The following SPG7 variants were observed in gnomAD, a reference collection of about 807,000 sequenced individuals.
SPG7 encodes mitochondrial inner membrane m-AAA protease component paraplegin.
Under a neutral mutation model 81.9 loss-of-function variants are expected in SPG7, and 103 were observed. The observed-to-expected ratio is 1.26, with a 90% CI of 1.07 to 1.48. The LOEUF is 1.48. Ranked by LOEUF, SPG7 falls within the 40% of genes most tolerant of loss-of-function variation. SPG7 has a pLI of 0.00. For synonymous variants in SPG7, 534 were observed against 444.2 expected (o/e 1.20, Z -2.54); for missense variants, 1,241 against 1,087.3 (o/e 1.14, Z -1.99).
chr16:89,528,562 GC>G (rs1567910348), intron 5 of SPG7: 1 of 151,750 alleles, frequency 6.6e-6, no homozygotes, highest in African/African-American at 2.4e-5. Context: ...CAGGCCCAGG[GC>G]AGCCCCTCCT....
Position 89,532,542 on chromosome 16 carries a change from C to T in SPG7, c.1230C>T (p.Ile410=), listed in dbSNP as rs756619796. The change falls in exon 9 of 17, where the codon ATC becomes ATT. Residue 410 remains isoleucine, a synonymous_variant. Transcript: ENST00000645818. ...RAPCIVYIDE[I]DAVGKKRSTT... ...CCTGCATCGTCTACATCGATGAGAT[C>T]GACGCGGTGGGCAAGAAGCGCTCCA... 5 of 1,613,750 alleles carry T rather than the reference C, an allele frequency of 3.1e-6. No homozygotes were observed. Among genetic ancestry groups the T allele is most frequent in the Admixed American group, 3.3e-5 (2 of 60,030 alleles).
At chr16:89,541,488 G>A (rs902672873) in intron 9 of SPG7, 2 of 270,050 alleles carry the variant, frequency 7.4e-6, no homozygotes, top group African/African-American at 4.6e-5. Flanking sequence ...TCTGGGGAGG[G>A]CGGTTCTGTG....
intron 7 of SPG7, chr16:89,531,172 G>A (rs1357571187): frequency 1.9e-5 from 7 of 375,242 alleles, no homozygotes; most frequent in East Asian, 1.3e-4. Flanking sequence ...CGTTTCCTCC[G>A]CGGGCCTGGT....
intron 12 of SPG7, chr16:89,548,853 A>T: frequency 2.3e-6 from 1 of 438,416 alleles, no homozygotes; most frequent in Middle Eastern, 7.2e-4. Flanking sequence ...TGAACGTTTG[A>T]AAAGGGAAGT....
In SPG7 at chr16:89,512,983, C is replaced by T. The variant is rs769740451; in HGVS notation, c.322C>T (p.Gln108Ter). 1 of 1,613,000 alleles carries T rather than the reference C, an allele frequency of 6.2e-7. No individual in the cohort carries two copies. The highest frequency in any genetic ancestry group is 1.1e-5 in the South Asian group (1 of 91,052). Reference sequence around the variant, plus strand: ...CTATTTTAACACCTCAAGGTTGAAGCAGAAGAATAAGGAGAAGGATAAGTC... The same window carrying T: ...CTATTTTAACACCTCAAGGTTGAAGTAGAAGAATAAGGAGAAGGATAAGTC... ...TFYFNTSRLK[Q>*]KNKEKDKSKG... Residue 108 changes from glutamine (Q) to a stop codon, truncating the protein, a stop_gained, in exon 3 of 17, where the codon CAG becomes TAG. Transcript: ENST00000645818. LOFTEE classifies it high-confidence loss of function.
At chr16:89,532,928 C>G (rs917170197) in intron 9 of SPG7, 2 of 435,912 alleles carry the variant, frequency 4.6e-6, no homozygotes, top group East Asian at 4.7e-5. Context: ...TACAAAAATA[C>G]AAAAGTCAGC....
chr16:89,532,280 G>T (rs949306064), intron 8 of SPG7, among the ~76,000 whole-genome samples, 183 bp from the exon 9 acceptor site: 7 of 152,234 alleles, frequency 4.6e-5, no homozygotes, highest in African/African-American at 1.7e-4. Flanking sequence ...GGCCAGCACG[G>T]TGCGTGTGAA....
chr16:89,524,298 C>A, intron 4 of SPG7, 51 bp downstream of exon 4: 1 of 1,575,892 alleles, frequency 6.3e-7, no homozygotes, highest in Non-Finnish European at 8.6e-7. Flanking sequence ...CACAGGCTGG[C>A]AGCCTGTGAG....
At chr16:89,525,391 A>G (rs1033414292) in intron 4 of SPG7, among the ~76,000 whole-genome samples, 1 of 152,214 alleles carries the variant, frequency 6.6e-6, no homozygotes, top group African/African-American at 2.4e-5. Context: ...CTGGAAGGTT[A>G]TTTTAACCTA....
At chr16:89,531,858 A>T in intron 7 of SPG7, 46 bp from the exon 8 acceptor site, 1 of 1,610,618 alleles carries the variant, frequency 6.2e-7, no homozygotes, top group Non-Finnish European at 8.5e-7. Flanking sequence ...AAACAAAAAA[A>T]CGGAATCCCC....
rs558109130 is a variant in SPG7 at position 89,537,674 on chromosome 16, C to G, written c.1324+5038C>G. ...GGACTCAAGGCTTGAGTCACCATGC[C>G]AGGCTCTGTTTTTTCAGTCTGTGAA... On this transcript the variant is annotated intron_variant, in intron 9 of 16. Coordinates refer to ENST00000645818, the MANE Select transcript of SPG7 (RefSeq NM_003119.4). 17 of 974,844 alleles carry G rather than the reference C, an allele frequency of 1.7e-5. No individual in the cohort carries two copies. In the African/African-American group the frequency reaches 1.8e-4, roughly 10 times the overall value. 60.4% of individuals were successfully genotyped at this position (974,844 alleles called of 1,614,324 possible).
At chr16:89,524,858 C>T (rs952715057) in intron 4 of SPG7, among the ~76,000 whole-genome samples, 7 of 152,186 alleles carry the variant, frequency 4.6e-5, no homozygotes, top group Middle Eastern at 6.8e-3. Flanking sequence ...TGGTGTGGCC[C>T]ACCCCCGGGT....
intron 13 of SPG7, chr16:89,552,190 C>T (rs1363008478): frequency 6.6e-6 from 1 of 152,526 alleles, no homozygotes; most frequent in Non-Finnish European, 1.5e-5. Flanking sequence ...TCCTGCATAG[C>T]TGGGACTACA....
rs1264847668 is a variant in SPG7, at chr16:89,553,799, C to T, written c.1942C>T (p.Gln648Ter). The T allele has an allele frequency of 6.2e-7, 1 of 1,613,318 alleles. No individual in the cohort carries two copies. The highest frequency in any genetic ancestry group is 2.2e-5 in the East Asian group (1 of 44,894). Residue 648 changes from glutamine (Q) to a stop codon, truncating the protein, a stop_gained, in exon 15 of 17, where the codon CAG (glutamine) becomes TAG (stop). Transcript: ENST00000645818. LOFTEE classifies it high-confidence loss of function. ...LSFNEVTSGA[Q>*]DDLRKVTRIA... ...GTCTCGACCCCGCCCTCCAGGGGCA[C>T]AGGACGACCTGAGGAAGGTCACCCG...
At chr16:89,513,772 C>T (rs935882340) in intron 3 of SPG7, among the ~76,000 whole-genome samples, 36 of 152,108 alleles carry the variant, frequency 2.4e-4, no homozygotes, top group African/African-American at 7.2e-4. Flanking sequence ...TTAAGATGGA[C>T]GCCCTGCTCA....
intron 3 of SPG7, among the ~76,000 whole-genome samples, chr16:89,515,898 A>G (rs2058089957): frequency 6.6e-6 from 1 of 151,320 alleles, no homozygotes; most frequent in African/African-American, 2.4e-5. Context: ...TAGCAGAGAC[A>G]GGGTTTCACC....
intron 3 of SPG7, chr16:89,523,461 T>C (rs932713690): frequency 1.5e-5 from 5 of 341,546 alleles, no homozygotes; most frequent in Non-Finnish European, 2.9e-5. Context: ...TTAATAACTT[T>C]TGTGTATGTT....
Position 89,531,829 on chromosome 16 carries a change from G to C in SPG7, c.988-75G>C, listed in dbSNP as rs990208068. On this transcript the variant is annotated intron_variant, in intron 7 of 16. Transcript: ENST00000645818. The stretch of plus-strand genomic sequence containing the variant: ...ACTGCACTCCAGCCTGCGTGACCCA[G>C]AGAGACCTTACCTCTAAAAAACAAA... 60 of 1,511,962 alleles carry C rather than the reference G, an allele frequency of 4.0e-5. No individual in the cohort carries two copies. In the South Asian group the frequency reaches 6.2e-4, roughly 16 times the overall value. 93.7% of individuals were successfully genotyped at this position (1,511,962 alleles called of 1,614,324 possible). A position where few individuals can be genotyped will look rare whatever the true frequency, so the allele number is the denominator to read the frequency against.
intron 16 of SPG7, chr16:89,554,903 A>G: frequency 1.1e-5 from 3 of 267,150 alleles, no homozygotes; most frequent in Non-Finnish European, 1.5e-5. Context: ...CTTTAATTTT[A>G]GAGTAGGAAT....
Sources: allele counts gnomAD v4.1 joint callset (sites outside exome capture counted in the v4.1 genomes callset), GRCh38; gene constraint gnomAD v4.1.1; transcripts MANE v1.5; gene names NCBI Gene and HGNC (gene_info 2026-07-23, HGNC 2026-07-21).